TMEM37: variants seen among roughly 807,000 people sequenced by gnomAD.
The protein encoded by TMEM37 is voltage-dependent calcium channel gamma-like subunit.
A neutral mutation model predicts 11.0 loss-of-function variants in TMEM37; 12 were observed. The observed-to-expected ratio is 1.09, with a 90% CI of 0.70 to 1.76. The LOEUF (loss-of-function observed/expected upper bound fraction) is 1.76, where lower values mean the gene tolerates loss of function less well. TMEM37 is among the 40% of genes most tolerant of loss of function. The pLI, the probability that TMEM37 is intolerant of heterozygous loss-of-function variation, is 0.00. For synonymous variants in TMEM37, 127 were observed against 110.5 expected, an observed-to-expected ratio of 1.15 and a Z score of -0.94; for missense variants, 203 against 251.2, an observed-to-expected ratio of 0.81 and a Z score of 1.30.
At chr2:119,430,053 T>C (rs756565183), upstream of TMEM37, 5 of 1,308,760 alleles carry the variant, frequency 3.8e-6, no homozygotes, top group Middle Eastern at 1.9e-4. Context: ...AGTGAAAGGA[T>C]ACCCCCGCAA....
Position 119,433,170 on chromosome 2 carries a change from G to A in TMEM37, c.21+1246G>A, listed in dbSNP as rs537711654. On this transcript the variant is annotated intron_variant, in intron 1 of 1. Coordinates refer to ENST00000306406, the MANE Select transcript of TMEM37 (RefSeq NM_183240.3). Reference sequence around the variant, plus strand: ...GGTGCAAAAGTTGCCAGACGGGGAAGAGGAGGAAGCCTGGTAGCAAGGTGG... The same window carrying A: ...GGTGCAAAAGTTGCCAGACGGGGAAAAGGAGGAAGCCTGGTAGCAAGGTGG... Among the ~76,000 whole-genome samples the A allele has an allele frequency of 3.9e-3, 593 of 152,368 alleles. 8 individuals carry two copies. The highest frequency in any genetic ancestry group is 0.014 in the African/African-American group (571 of 41,584).
chr2:119,435,297 C>G (rs1419415040), intron 1 of TMEM37, among the ~76,000 whole-genome samples: 3 of 152,184 alleles, frequency 2.0e-5, no homozygotes, highest in Non-Finnish European at 4.4e-5. Context: ...AGAAGCAGGG[C>G]TTTATTTTAT....
chr2:119,433,115 G>C (rs1485961275), intron 1 of TMEM37, among the ~76,000 whole-genome samples: 1 of 152,232 alleles, frequency 6.6e-6, no homozygotes, highest in East Asian at 1.9e-4. Flanking sequence ...CTTGGAAACA[G>C]GGCATGGGGG....
rs910147381 is a variant in TMEM37, at chr2:119,437,706, A to G, written c.*266A>G. ...CCAGATGTTGATTTTAGAGGAAGAAAAAAACATTTTAAAACTCCTTCTTGA... is the reference window on the plus strand; with the variant it reads ...CCAGATGTTGATTTTAGAGGAAGAAGAAAACATTTTAAAACTCCTTCTTGA... On this transcript the variant is annotated 3_prime_UTR_variant, in exon 2 of 2. Transcript: ENST00000306406. 7.1e-5 allele frequency: 36 copies of G among 508,026 alleles called. No homozygotes were observed. Among genetic ancestry groups the G allele is most frequent in the Non-Finnish European group, 1.2e-4 (34 of 289,994 alleles). 31.5% of individuals were successfully genotyped at this position (508,026 alleles called of 1,614,324 possible).
intron 1 of TMEM37, 101 bp from the exon 2 acceptor site, chr2:119,436,788 A>G: frequency 2.1e-6 from 2 of 935,328 alleles, no homozygotes; most frequent in Non-Finnish European, 3.3e-6. Context: ...AGAATAAGAC[A>G]GTGCGGAGCA....
Position 119,437,045 on chromosome 2 carries a change from C to A in TMEM37, c.178C>A (p.Leu60Ile). 3 of 1,608,134 alleles carry A rather than the reference C, an allele frequency of 1.9e-6. No individual in the cohort carries two copies. The highest frequency in any genetic ancestry group is 8.5e-7 in the Non-Finnish European group (1 of 1,178,766). ...WLLAEDRLFGLWHFCTTTNQT... is the reference protein window; with the variant it reads ...WLLAEDRLFGIWHFCTTTNQT... The stretch of plus-strand genomic sequence containing the variant: ...CCTGGCTGAGGACCGCCTCTTCGGG[C>A]TCTGGCACTTCTGCACCACCACCAA... The change falls in exon 2 of 2, where the codon CTC becomes ATC. Residue 60 changes from leucine to isoleucine, a missense_variant. Physicochemically the swap from Leu to Ile is conservative, Grantham distance 5 (BLOSUM62 2). Transcript: ENST00000306406.
intron 1 of TMEM37, 85 bp downstream of exon 1, chr2:119,432,009 C>T: frequency 1.1e-6 from 1 of 932,174 alleles, no homozygotes; most frequent in East Asian, 3.4e-5. Context: ...GAGGGGCGTA[C>T]CCACCGCGAG....
chr2:119,436,040 G>T (rs1447494793), intron 1 of TMEM37, among the ~76,000 whole-genome samples: 1 of 152,198 alleles, frequency 6.6e-6, no homozygotes, highest in Non-Finnish European at 1.5e-5. Flanking sequence ...TGTGTAAAGA[G>T]TTCCTGAAGT....
intron 1 of TMEM37, among the ~76,000 whole-genome samples, chr2:119,436,050 T>C (rs558242885): frequency 7.2e-4 from 109 of 152,094 alleles, no homozygotes; most frequent in African/African-American, 2.1e-3. Context: ...GTTCCTGAAG[T>C]CTTTCTTTTG....
At chr2:119,432,106 A>G (rs1682412277) in intron 1 of TMEM37, 182 bp downstream of exon 1, 1 of 394,276 alleles carries the variant, frequency 2.5e-6, no homozygotes, top group Non-Finnish European at 4.4e-6. Context: ...GCGGGGAGCA[A>G]CCTCGGGGGG....
At chr2:119,430,961 A>AC (rs370920560), upstream of TMEM37, among the ~76,000 whole-genome samples, 1 of 152,162 alleles carries the variant, frequency 6.6e-6, no homozygotes, top group South Asian at 2.1e-4. Context: ...AAATGGTGAA[A>AC]CCCCCGTCTC....
chr2:119,431,397 A>G (rs1360660141), upstream of TMEM37, among the ~76,000 whole-genome samples: 1 of 152,166 alleles, frequency 6.6e-6, no homozygotes, highest in African/African-American at 2.4e-5. Flanking sequence ...CCGAGACGCT[A>G]AACAAGCAGC....
chr2:119,437,685 A>C lies in TMEM37; in HGVS notation c.*245A>C. 3 of 528,030 alleles carry C rather than the reference A, an allele frequency of 5.7e-6. No homozygotes were observed. Among genetic ancestry groups the C allele is most frequent in the Non-Finnish European group, 9.9e-6 (3 of 303,108 alleles). 32.7% of individuals were successfully genotyped at this position (528,030 alleles called of 1,614,324 possible). A position where few individuals can be genotyped will look rare whatever the true frequency, so the allele number is the denominator to read the frequency against. The stretch of plus-strand genomic sequence containing the variant: ...CCACCAACTGCACAGGCTTAGCCAG[A>C]TGTTGATTTTAGAGGAAGAAAAAAA... On this transcript the variant is annotated 3_prime_UTR_variant, in exon 2 of 2. Coordinates refer to ENST00000306406, the MANE Select transcript of TMEM37 (RefSeq NM_183240.3).
intron 1 of TMEM37, among the ~76,000 whole-genome samples, chr2:119,435,885 G>A (rs1682485802): frequency 2.0e-5 from 3 of 152,184 alleles, no homozygotes; most frequent in Admixed American, 2.0e-4. Flanking sequence ...TTGTCCTGGA[G>A]GGGTGGCAGG....
chr2:119,431,109 A>G (rs1199280551), upstream of TMEM37, among the ~76,000 whole-genome samples: 2 of 151,944 alleles, frequency 1.3e-5, no homozygotes, highest in Non-Finnish European at 2.9e-5. Context: ...TGATCGCGTC[A>G]TTGCACTCCA....
chr2:119,437,475 G>C lies in TMEM37; in HGVS notation c.*35G>C. The C allele has an allele frequency of 6.3e-7, 1 of 1,580,752 alleles. No homozygotes were observed. ...TTTTAGGCCCCCTCCAGGGACATCA[G>C]ATTCCACAAGAAAATATGGTCAAAA... On this transcript the variant is annotated 3_prime_UTR_variant, in exon 2 of 2. Transcript: ENST00000306406.
chr2:119,437,485 G>A lies in TMEM37; in HGVS notation c.*45G>A. 1 of 1,571,692 alleles carries A rather than the reference G, an allele frequency of 6.4e-7. No homozygotes were observed. Among genetic ancestry groups the A allele is most frequent in the South Asian group, 1.2e-5 (1 of 83,012 alleles). ...CCTCCAGGGACATCAGATTCCACAA[G>A]AAAATATGGTCAAAATGGGACTTTT... On this transcript the variant is annotated 3_prime_UTR_variant, in exon 2 of 2. Transcript: ENST00000306406.
Position 119,437,335 on chromosome 2 carries a change from C to T in TMEM37, c.468C>T (p.Ile156=), listed in dbSNP as rs376444743. The stretch of plus-strand genomic sequence containing the variant: ...TCCTCAGGAACCAAGTCACACTCAT[C>T]GGCTTCACCCTAATGTTTTGGTGCG... ...VILLRNQVTL[I]GFTLMFWCEF... The change falls in exon 2 of 2, where the codon ATC becomes ATT. Residue 156 remains isoleucine (I), a synonymous_variant. Coordinates refer to ENST00000306406, the MANE Select transcript of TMEM37 (RefSeq NM_183240.3). 8.7e-6 allele frequency: 14 copies of T among 1,614,130 alleles called. No homozygotes were observed. The highest frequency in any genetic ancestry group is 6.7e-5 in the Admixed American group (4 of 60,010).
intron 1 of TMEM37, among the ~76,000 whole-genome samples, chr2:119,434,933 C>A (rs1328581163): frequency 6.6e-6 from 1 of 152,188 alleles, no homozygotes; most frequent in African/African-American, 2.4e-5. Context: ...AGCACAAAGG[C>A]CCTGTCCTTA....
Sources: allele counts gnomAD v4.1 joint callset (sites outside exome capture counted in the v4.1 genomes callset), GRCh38; gene constraint gnomAD v4.1.1; transcripts MANE v1.5; gene names NCBI Gene and HGNC (gene_info 2026-07-23, HGNC 2026-07-21).